The following SHISA9 variants were observed in gnomAD, a reference collection of about 807,000 sequenced individuals.
SHISA9 encodes shisa family member 9.
A neutral mutation model predicts 38.0 loss-of-function variants in SHISA9; 13 were observed. That is an observed-to-expected ratio of 0.34 (90% confidence interval 0.22 to 0.54). The LOEUF (loss-of-function observed/expected upper bound fraction) is 0.54, where lower values mean the gene tolerates loss of function less well. SHISA9 is among the 20% of genes least tolerant of loss of function. SHISA9 has a pLI of 0.91. For missense variants in SHISA9, 538 were observed against 575.8 expected (o/e 0.93, Z 0.67); for synonymous variants, 275 against 242.0 (o/e 1.14, Z -1.27).
intron 2 of SHISA9, among the ~76,000 whole-genome samples, chr16:13,086,577 TGA>T (rs2073713392): frequency 6.6e-6 from 1 of 151,828 alleles, no homozygotes; most frequent in South Asian, 2.1e-4. Flanking sequence ...GTTGTATAGG[TGA>T]GAGATGATTG....
At chr16:13,152,861 G>A (rs1448729304) in intron 2 of SHISA9, among the ~76,000 whole-genome samples, 1 of 152,170 alleles carries the variant, frequency 6.6e-6, no homozygotes, top group Non-Finnish European at 1.5e-5. Flanking sequence ...GAGAATTAAG[G>A]TTGGAGATAA....
At chr16:13,526,223 G>A in the SHISA9 span, among the ~76,000 whole-genome samples, 12 of 152,222 alleles carry the variant, frequency 7.9e-5, no homozygotes, top group African/African-American at 2.4e-4. Context: ...TCATTCAGAA[G>A]AGAACCATCA....
the SHISA9 span, among the ~76,000 whole-genome samples, chr16:13,452,017 C>T: frequency 1.3e-5 from 2 of 152,218 alleles, no homozygotes; most frequent in Non-Finnish European, 2.9e-5. Flanking sequence ...TTTGTTTCAT[C>T]AAGTTAGTTT....
the SHISA9 span, among the ~76,000 whole-genome samples, chr16:13,319,280 G>A: frequency 6.6e-6 from 1 of 152,178 alleles, no homozygotes. Context: ...AAAGTGCTGG[G>A]ATTACAGGTG....
the SHISA9 span, among the ~76,000 whole-genome samples, chr16:13,316,399 C>G: frequency 6.6e-6 from 1 of 152,200 alleles, no homozygotes; most frequent in South Asian, 2.1e-4. Context: ...AATGTGACCT[C>G]TCCTTGTTCT....
chr16:13,386,641 A>G, the SHISA9 span, among the ~76,000 whole-genome samples: 1 of 152,226 alleles, frequency 6.6e-6, no homozygotes, highest in Non-Finnish European at 1.5e-5. Context: ...AACGTGTAGC[A>G]TGATTTTCTT....
chr16:12,902,688 A>C (rs2071035502), intron 1 of SHISA9, 61 bp downstream of exon 1: 3 of 1,428,548 alleles, frequency 2.1e-6, no homozygotes, highest in Non-Finnish European at 1.9e-6. Flanking sequence ...TCTCCTCCCC[A>C]CCTTCCCCCA....
intron 2 of SHISA9, among the ~76,000 whole-genome samples, chr16:13,088,868 A>C (rs992651027): frequency 6.6e-6 from 1 of 152,286 alleles, no homozygotes; most frequent in South Asian, 2.1e-4. Flanking sequence ...GTGGTGAGAG[A>C]GGGCATTCTT....
At chr16:13,200,442 A>ACACAC (rs1555470817) in intron 2 of SHISA9, among the ~76,000 whole-genome samples, 5,000 of 132,014 alleles carry the variant, frequency 0.038, 305 homozygotes, top group African/African-American at 0.13. Flanking sequence ...ACACACACAC[A>ACACAC]GCAGCAGCAG....
intron 2 of SHISA9, among the ~76,000 whole-genome samples, chr16:12,981,649 C>G (rs1222091906): frequency 6.6e-6 from 1 of 152,170 alleles, no homozygotes; most frequent in Non-Finnish European, 1.5e-5. Context: ...GTCTTCGTTA[C>G]AGGCTGAATT....
chr16:13,533,781 ATT>A, the SHISA9 span, among the ~76,000 whole-genome samples: 34,574 of 127,318 alleles, frequency 0.27, 3,152 homozygotes, highest in East Asian at 0.39. Flanking sequence ...ATAACTCTCA[ATT>A]TTTTTTTTTT....
At chr16:13,011,316 C>A (rs2072670655) in intron 2 of SHISA9, among the ~76,000 whole-genome samples, 1 of 141,130 alleles carries the variant, frequency 7.1e-6, no homozygotes, top group East Asian at 2.2e-4. Context: ...CATATTAGCA[C>A]TCATTTTTTT....
chr16:13,205,383 C>T (rs1357361552), intron 3 of SHISA9, among the ~76,000 whole-genome samples: 2 of 152,184 alleles, frequency 1.3e-5, no homozygotes, highest in African/African-American at 4.8e-5. Context: ...CCTGTGAGCT[C>T]TAAGTTTTTC....
At chr16:13,289,436 G>C in the SHISA9 span, among the ~76,000 whole-genome samples, 1 of 151,952 alleles carries the variant, frequency 6.6e-6, no homozygotes, top group Admixed American at 6.6e-5. Context: ...TTTGGGTCAG[G>C]GTTCTAGAAA....
At chr16:13,281,263 C>T in the SHISA9 span, among the ~76,000 whole-genome samples, 10 of 151,748 alleles carry the variant, frequency 6.6e-5, no homozygotes, top group Non-Finnish European at 1.2e-4. Context: ...AATTCTTTGT[C>T]ATGAAATCTG....
At chr16:13,313,351 A>G in the SHISA9 span, among the ~76,000 whole-genome samples, 1 of 152,214 alleles carries the variant, frequency 6.6e-6, no homozygotes, top group South Asian at 2.1e-4. Flanking sequence ...GAATTTAAAA[A>G]TAAAGGCATA....
intron 2 of SHISA9, among the ~76,000 whole-genome samples, chr16:13,011,254 G>A (rs535906859): frequency 2.1e-4 from 31 of 150,832 alleles, no homozygotes; most frequent in Middle Eastern, 3.5e-3. Flanking sequence ...TGAGATGCGT[G>A]TAGATAGTAA....
At chr16:13,498,569 C>T in the SHISA9 span, among the ~76,000 whole-genome samples, 2 of 151,936 alleles carry the variant, frequency 1.3e-5, no homozygotes, top group Admixed American at 6.6e-5. Flanking sequence ...CCAACCTGAC[C>T]GACACGGTAA....
At chr16:13,372,169 T>C in the SHISA9 span, among the ~76,000 whole-genome samples, 35 of 152,238 alleles carry the variant, frequency 2.3e-4, 1 homozygote, top group Non-Finnish European at 5.1e-4. Context: ...TTGTGGACTC[T>C]AGGGATTTTG....
Sources: allele counts gnomAD v4.1 joint callset (sites outside exome capture counted in the v4.1 genomes callset), GRCh38; gene constraint gnomAD v4.1.1; transcripts MANE v1.5; gene names NCBI Gene and HGNC (gene_info 2026-07-23, HGNC 2026-07-21).